The following RALYL variants were observed in gnomAD, a reference collection of about 807,000 sequenced individuals.
The protein encoded by RALYL is RNA-binding Raly-like protein.
A neutral mutation model predicts 35.1 loss-of-function variants in RALYL; 29 were observed. The observed-to-expected ratio is 0.83, with a 90% CI of 0.61 to 1.13. The LOEUF (loss-of-function observed/expected upper bound fraction) is 1.13, where lower values mean the gene tolerates loss of function less well. Ranked by LOEUF, RALYL falls within the 50% of genes most tolerant of loss-of-function variation. The pLI is 0.00. For missense variants in RALYL, 359 were observed against 360.4 expected (o/e 1.00, Z 0.03); for synonymous variants, 120 against 127.6 (o/e 0.94, Z 0.40).
chr8:84,268,658 A>G (rs942568970), intron 1 of RALYL, among the ~76,000 whole-genome samples: 4 of 152,190 alleles, frequency 2.6e-5, no homozygotes, highest in Admixed American at 2.0e-4. Context: ...GGAGGTACAA[A>G]TGGAGACAGA....
chr8:84,704,469 ACACACACACAC>A (rs1241726900), intron 2 of RALYL, among the ~76,000 whole-genome samples: 165 of 135,738 alleles, frequency 1.2e-3, no homozygotes, highest in African/African-American at 5.0e-3. Flanking sequence ...ACACACACAC[ACACACACACAC>A]ACAACAACTC....
intron 1 of RALYL, among the ~76,000 whole-genome samples, chr8:84,470,705 A>T (rs1005558269): frequency 1.3e-5 from 2 of 152,190 alleles, no homozygotes; most frequent in African/African-American, 2.4e-5. Context: ...ATATGCCAGC[A>T]GTGTGTCAGC....
intron 2 of RALYL, among the ~76,000 whole-genome samples, chr8:84,745,946 G>T (rs1315094456): frequency 6.6e-6 from 1 of 151,954 alleles, no homozygotes; most frequent in Non-Finnish European, 1.5e-5. Context: ...GGCACTCCAG[G>T]CTATGGAAGA....
At chr8:84,451,578 G>T (rs886822844) in intron 1 of RALYL, among the ~76,000 whole-genome samples, 2 of 151,882 alleles carry the variant, frequency 1.3e-5, no homozygotes, top group Non-Finnish European at 2.9e-5. Flanking sequence ...GGATTATCAG[G>T]CTTGAATTCT....
chr8:84,843,813 G>A lies in RALYL; in HGVS notation c.366-6167G>A, dbSNP rs543783487. ...GAACAGAGCCCTCAGAAATAATGCC[G>A]CATAGCTACAACCATCTGATCTTTC... On this transcript the variant is annotated intron_variant, in intron 4 of 8. Transcript: ENST00000521268. 1.7e-3 allele frequency among the ~76,000 whole-genome samples: 259 copies of A among 152,154 alleles called. 1 individual carries two copies. The highest frequency in any genetic ancestry group is 5.9e-3 in the African/African-American group (244 of 41,510).
chr8:84,422,451 T>G (rs1374666546), intron 1 of RALYL, among the ~76,000 whole-genome samples: 1 of 125,784 alleles, frequency 8.0e-6, no homozygotes, highest in Non-Finnish European at 1.6e-5. Context: ...TTTTCTTTAT[T>G]AGTCTTGCTA....
chr8:84,601,062 A>T (rs1343220382), intron 2 of RALYL, among the ~76,000 whole-genome samples: 1 of 152,174 alleles, frequency 6.6e-6, no homozygotes, highest in Non-Finnish European at 1.5e-5. Flanking sequence ...GAAGTTTGCA[A>T]ACAGGGGATA....
chr8:84,382,230 T>TAA (rs559887402), intron 1 of RALYL, among the ~76,000 whole-genome samples: 124 of 136,428 alleles, frequency 9.1e-4, no homozygotes, highest in African/African-American at 2.0e-3. Context: ...GCATTAGAAT[T>TAA]AAAAAAAAAA....
intron 2 of RALYL, among the ~76,000 whole-genome samples, chr8:84,741,278 G>A (rs954948850): frequency 2.0e-5 from 3 of 151,980 alleles, no homozygotes; most frequent in Non-Finnish European, 4.4e-5. Flanking sequence ...CCTCCTCCAG[G>A]GTCACTGCTC....
At chr8:84,618,178 T>C (rs1291474690) in intron 2 of RALYL, among the ~76,000 whole-genome samples, 1 of 151,794 alleles carries the variant, frequency 6.6e-6, no homozygotes, top group Non-Finnish European at 1.5e-5. Flanking sequence ...GTACCAGTTC[T>C]TCCTTGTACC....
At chr8:84,689,356 A>C (rs1305644719) in intron 2 of RALYL, among the ~76,000 whole-genome samples, 1 of 152,066 alleles carries the variant, frequency 6.6e-6, no homozygotes, top group Admixed American at 6.6e-5. Context: ...GCGATAGTTT[A>C]CTGAGAATGA....
chr8:84,314,848 G>T (rs1364220323), intron 1 of RALYL, among the ~76,000 whole-genome samples: 2 of 152,122 alleles, frequency 1.3e-5, no homozygotes, highest in Non-Finnish European at 2.9e-5. Context: ...AATATAAATT[G>T]ATATGAAAAA....
chr8:84,646,623 C>G (rs1827557885), intron 2 of RALYL, among the ~76,000 whole-genome samples: 1 of 152,006 alleles, frequency 6.6e-6, no homozygotes, highest in African/African-American at 2.4e-5. Flanking sequence ...AGAGTGCCCA[C>G]TTCTTTCAGT....
chr8:84,835,588 C>T (rs1831824074), intron 4 of RALYL, among the ~76,000 whole-genome samples: 1 of 142,874 alleles, frequency 7.0e-6, no homozygotes, highest in African/African-American at 2.6e-5. Context: ...GAGGCTGAGA[C>T]AGGAGAATTG....
chr8:84,439,954 A>G (rs1014259539), intron 1 of RALYL, among the ~76,000 whole-genome samples: 13 of 152,120 alleles, frequency 8.5e-5, no homozygotes, highest in Non-Finnish European at 1.8e-4. Flanking sequence ...TGTAAGCATA[A>G]TGATATGTGC....
intron 3 of RALYL, among the ~76,000 whole-genome samples, chr8:84,777,070 A>G (rs969378499): frequency 3.3e-5 from 5 of 152,224 alleles, no homozygotes; most frequent in African/African-American, 1.2e-4. Flanking sequence ...TGGACAAACT[A>G]TGCTTTCATA....
chr8:84,700,667 T>C (rs756389969), intron 2 of RALYL, among the ~76,000 whole-genome samples: 3 of 152,122 alleles, frequency 2.0e-5, no homozygotes, highest in Non-Finnish European at 2.9e-5. Flanking sequence ...TAAAATGAGG[T>C]GTTGAATGAA....
At chr8:84,251,074 A>G (rs2131671747) in intron 1 of RALYL, among the ~76,000 whole-genome samples, 1 of 152,272 alleles carries the variant, frequency 6.6e-6, no homozygotes, top group South Asian at 2.1e-4. Flanking sequence ...ACAGGTAAGG[A>G]GTTCTAAGAA....
chr8:84,677,477 A>C (rs1244444564), intron 2 of RALYL, among the ~76,000 whole-genome samples: 1 of 152,214 alleles, frequency 6.6e-6, no homozygotes, highest in African/African-American at 2.4e-5. Flanking sequence ...ATGTTATAAT[A>C]GCAAGAATAA....
Sources: gnomAD v4.1 joint callset for allele counts (sites outside exome capture counted in the v4.1 genomes callset) on GRCh38, gnomAD v4.1.1 for gene constraint, MANE v1.5 for transcripts, NCBI Gene and HGNC (gene_info 2026-07-23, HGNC 2026-07-21) for gene names.